Variants in PDZD2 observed in about 807,000 individuals in gnomAD.
PDZD2 encodes the protein PDZ domain-containing protein 2.
PDZD2 carries 90 observed loss-of-function variants against 220.7 expected under a neutral mutation model. That is an observed-to-expected ratio of 0.41 (90% CI 0.34 to 0.49). PDZD2 has a LOEUF of 0.49. Among genes scored for constraint, PDZD2 ranks in the 20% least tolerant of loss-of-function variants. The probability of loss-of-function intolerance (pLI) is 0.28; values close to 1 mark genes in which losing one functional copy is unlikely to be tolerated. For synonymous variants in PDZD2, 1,375 were observed against 1,450.5 expected (o/e 0.95, Z 1.18); for missense variants, 3,174 against 3,608.5 (o/e 0.88, Z 3.08).
In PDZD2 at chr5:32,073,923, T is replaced by C; in HGVS notation, c.2817T>C (p.Val939=). ...GGCTCTTCCACAAGCAGGTGACAGTTGCCAGACAAGCCAGTCTCCCCGGAA... is the reference window on the plus strand; with the variant it reads ...GGCTCTTCCACAAGCAGGTGACAGTCGCCAGACAAGCCAGTCTCCCCGGAA... ...ASGLFHKQVT[V]ARQASLPGSP... is the part of the protein sequence containing the mutation. Residue 939 remains valine (V), a synonymous_variant, in exon 18 of 25, where the codon GTT becomes GTC. Coordinates refer to ENST00000438447, the MANE Select transcript of PDZD2 (RefSeq NM_178140.4). 1 of 1,614,062 alleles carries C rather than the reference T, an allele frequency of 6.2e-7. No individual in the cohort carries two copies. Among genetic ancestry groups the C allele is most frequent in the Non-Finnish European group, 8.5e-7 (1 of 1,179,960 alleles).
chr5:32,090,892 C>G lies in PDZD2; in HGVS notation c.7444C>G (p.Leu2482Val). The G allele has an allele frequency of 1.2e-6, 2 of 1,614,058 alleles. No homozygotes were observed. The highest frequency in any genetic ancestry group is 2.7e-5 in the African/African-American group (2 of 75,070). The change falls in exon 20 of 25, where the codon CTC (leucine) becomes GTC (valine). Residue 2482 changes from leucine (L) to valine (V), a missense_variant. This residue lies in a region of PDZD2 where 631 missense variants were observed against 789.9 expected (regional missense o/e 0.80). Transcript: ENST00000438447. The surrounding 1 kb of genome is among the most constrained non-coding windows in gnomAD (Gnocchi z 4.3). ...GCCCTCGCCCGTGTCCCGCTCCAAG[C>G]TCCAGGAGCTGAGAGCCTTGAGCAT... Reference protein sequence around the residue: ...TQPSPVSRSKLQELRALSMPD... With the variant: ...TQPSPVSRSKVQELRALSMPD...
intron 1 of PDZD2, among the ~76,000 whole-genome samples, chr5:31,796,941 T>TG (rs1754067580): frequency 6.6e-6 from 1 of 151,680 alleles, no homozygotes; most frequent in African/African-American, 2.4e-5. Context: ...TTTGTTTTTT[T>TG]TTTTGAGACG....
rs149073158 is a variant in PDZD2 at position 31,908,644 on chromosome 5, T to TCAAC, written c.477-74508_477-74507insCCAA. On this transcript the variant is annotated intron_variant, in intron 2 of 24. Transcript: ENST00000438447. Reference sequence around the variant, plus strand: ...GAAATACATCAAAGGTTACGTGATATCAAAGACAAACTTGAAGAACAGAGA... The same window carrying TCAAC: ...GAAATACATCAAAGGTTACGTGATATCAACCAAAGACAAACTTGAAGAACAGAGA... 28 of 1,147,780 alleles carry TCAAC rather than the reference T, an allele frequency of 2.4e-5. 1 individual carries two copies. In the South Asian group the frequency reaches 2.7e-4, roughly 11 times the overall value. 71.1% of individuals were successfully genotyped at this position (1,147,780 alleles called of 1,614,324 possible). A position where few individuals can be genotyped will look rare whatever the true frequency, so the allele number is the denominator to read the frequency against.
In PDZD2 at chr5:32,089,464, C is replaced by T. The variant is rs1405242053; in HGVS notation, c.6016C>T (p.Leu2006Phe). 8 of 1,613,740 alleles carry T rather than the reference C, an allele frequency of 5.0e-6. No homozygotes were observed. The Admixed American group carries it at 1.3e-4, about 27-fold the overall frequency. ...GTGGAGCAGGTTCCACATGGCTGTC[C>T]TCTCTGAACCCGACAGAGGTTGCCC... Reference protein sequence around the residue: ...GMWSRFHMAVLSEPDRGCPTT... With the variant: ...GMWSRFHMAVFSEPDRGCPTT... Residue 2006 changes from leucine to phenylalanine, a missense_variant, in exon 20 of 25, where the codon CTC becomes TTC. By Grantham distance (22) the Leu-to-Phe change is conservative (BLOSUM62 0). Around this residue, in one of 4 missense-constraint regions of PDZD2, gnomAD observed 1,861 missense variants for 2,001.0 expected, o/e 0.93. Transcript: ENST00000438447.
intron 1 of PDZD2, among the ~76,000 whole-genome samples, chr5:31,696,715 C>G (rs1330150400): frequency 6.6e-6 from 1 of 152,196 alleles, no homozygotes. Flanking sequence ...TCCCTAGAAA[C>G]CTGTCCTTTG....
chr5:31,690,451 C>T (rs1004139021), intron 1 of PDZD2, among the ~76,000 whole-genome samples: 2 of 152,154 alleles, frequency 1.3e-5, no homozygotes, highest in South Asian at 2.1e-4. Context: ...ATAAACTGGG[C>T]GACTTCAACC....
chr5:32,050,050 C>G (rs531827790), intron 8 of PDZD2, among the ~76,000 whole-genome samples: 1 of 152,192 alleles, frequency 6.6e-6, no homozygotes, highest in Non-Finnish European at 1.5e-5. Context: ...TCTGCCTCAG[C>G]CTCTCAAGTA....
At chr5:32,060,944 T>G (rs569912311) in intron 13 of PDZD2, 58 bp from the exon 14 acceptor site, 27 of 1,574,866 alleles carry the variant, frequency 1.7e-5, no homozygotes, top group Non-Finnish European at 2.4e-5. Flanking sequence ...AAGAAGGCTA[T>G]TTTAGCTTTA....
intron 2 of PDZD2, among the ~76,000 whole-genome samples, chr5:31,967,841 C>G (rs781775799): frequency 6.6e-6 from 1 of 152,108 alleles, no homozygotes; most frequent in African/African-American, 2.4e-5. Context: ...TTTGGCTGGT[C>G]CAGGGAGCAG....
intron 2 of PDZD2, 46 bp from the exon 3 acceptor site, chr5:31,983,109 G>T: frequency 6.3e-7 from 1 of 1,577,022 alleles, no homozygotes; most frequent in Non-Finnish European, 8.6e-7. Flanking sequence ...GTGCTGTCTA[G>T]GAAGGGTGTG....
chr5:31,777,463 G>A (rs184475123), intron 1 of PDZD2, among the ~76,000 whole-genome samples: 17 of 152,220 alleles, frequency 1.1e-4, no homozygotes, highest in South Asian at 4.1e-4. Context: ...GCTCCGTGGC[G>A]CCTGGGCCCA....
intron 2 of PDZD2, among the ~76,000 whole-genome samples, chr5:31,873,118 A>G (rs1176320228): frequency 6.6e-6 from 1 of 152,088 alleles, no homozygotes; most frequent in African/African-American, 2.4e-5. Context: ...ATGTGTGTAC[A>G]TATATATATG....
At chr5:32,008,136 A>AAAATAAATAAAT (rs141877198) in intron 5 of PDZD2, among the ~76,000 whole-genome samples, 301 of 143,960 alleles carry the variant, frequency 2.1e-3, no homozygotes, top group Middle Eastern at 0.011. Flanking sequence ...TAAAATAATA[A>AAAATAAATAAAT]AAATAAATAA....
intron 2 of PDZD2, among the ~76,000 whole-genome samples, chr5:31,845,342 T>C (rs1468132641): frequency 6.6e-6 from 1 of 152,212 alleles, no homozygotes; most frequent in East Asian, 1.9e-4. Context: ...GGATTTGAAC[T>C]TTAAACCTAG....
At chr5:32,101,837 A>G (rs1744279364) in intron 24 of PDZD2, among the ~76,000 whole-genome samples, 1 of 152,220 alleles carries the variant, frequency 6.6e-6, no homozygotes. Context: ...CGGTTTTTCA[A>G]AATCTTATAT....
intron 24 of PDZD2, among the ~76,000 whole-genome samples, chr5:32,102,219 C>T (rs1744315156): frequency 6.6e-6 from 1 of 152,062 alleles, no homozygotes; most frequent in Admixed American, 6.6e-5. Flanking sequence ...CCTTGGGGCC[C>T]AGAGGAAGCG....
chr5:31,835,516 C>G (rs1380912086), intron 2 of PDZD2, among the ~76,000 whole-genome samples: 1 of 151,694 alleles, frequency 6.6e-6, no homozygotes, highest in Non-Finnish European at 1.5e-5. Context: ...ACTTAGGAGG[C>G]TGAGGCAGGA....
At chr5:32,039,473 C>T (rs770073307) in intron 7 of PDZD2, among the ~76,000 whole-genome samples, 3 of 152,196 alleles carry the variant, frequency 2.0e-5, no homozygotes, top group African/African-American at 4.8e-5. Context: ...ACCTCCCAGC[C>T]GCCTGCCTTG....
intron 1 of PDZD2, among the ~76,000 whole-genome samples, chr5:31,793,381 C>T (rs1450933408): frequency 6.6e-6 from 1 of 152,158 alleles, no homozygotes; most frequent in Non-Finnish European, 1.5e-5. Flanking sequence ...CAAGTCTTTA[C>T]CCCAGGGCCT....
Sources: gnomAD v4.1 joint callset for allele counts (sites outside exome capture counted in the v4.1 genomes callset) on GRCh38, gnomAD v4.1.1 for gene constraint, gnomAD v4.1.1 regional missense constraint, Gnocchi (gnomAD v3.1) non-coding constraint, MANE v1.5 for transcripts, NCBI Gene and HGNC (gene_info 2026-07-23, HGNC 2026-07-21) for gene names.